NAV3: variants seen among roughly 807,000 people sequenced by gnomAD.
NAV3 encodes pore membrane and/or filament interacting like protein 1.
Under a neutral mutation model 244.7 loss-of-function variants are expected in NAV3, and 87 were observed. The observed-to-expected ratio is 0.36, with a 90% CI of 0.30 to 0.42. The LOEUF (loss-of-function observed/expected upper bound fraction) is 0.42. Among genes scored for constraint, NAV3 ranks in the 20% least tolerant of loss-of-function variants. The pLI, the probability that NAV3 is intolerant of heterozygous loss-of-function variation, is 1.00. For synonymous variants in NAV3, 1,126 were observed against 1,042.2 expected, an observed-to-expected ratio of 1.08 and a Z score of -1.55; for missense variants, 2,663 against 2,893.3, an observed-to-expected ratio of 0.92 and a Z score of 1.83.
chr12:77,885,493 TA>T (rs1477081965), intron 1 of NAV3, among the ~76,000 whole-genome samples: 1 of 152,098 alleles, frequency 6.6e-6, no homozygotes, highest in Non-Finnish European at 1.5e-5. Context: ...AACACCCACA[TA>T]AAAATAAAAG....
At chr12:77,844,503 G>C (rs1355221234) in intron 1 of NAV3, among the ~76,000 whole-genome samples, 1 of 152,182 alleles carries the variant, frequency 6.6e-6, no homozygotes, top group African/African-American at 2.4e-5. Context: ...AACTTTACTT[G>C]CTTCTAGGTG....
At chr12:78,114,541 G>C (rs890978013) in intron 12 of NAV3, among the ~76,000 whole-genome samples, 2 of 152,066 alleles carry the variant, frequency 1.3e-5, no homozygotes, top group African/African-American at 4.8e-5. Flanking sequence ...CAAAACGGGG[G>C]AAAAACCCTT....
chr12:77,870,999 C>T (rs1267139892), intron 1 of NAV3, among the ~76,000 whole-genome samples: 2 of 152,146 alleles, frequency 1.3e-5, no homozygotes, highest in South Asian at 2.1e-4. Flanking sequence ...CACACTCACA[C>T]GCAAGACAGA....
At chr12:77,836,161 A>G (rs1368239693) in intron 1 of NAV3, among the ~76,000 whole-genome samples, 1 of 152,170 alleles carries the variant, frequency 6.6e-6, no homozygotes, top group Non-Finnish European at 1.5e-5. Context: ...CCTTTACTTA[A>G]CATTCTGGAA....
At chr12:77,828,762 A>G (rs780020140), upstream of NAV3, among the ~76,000 whole-genome samples, 1 of 152,180 alleles carries the variant, frequency 6.6e-6, no homozygotes, top group Non-Finnish European at 1.5e-5. Context: ...AGTGAAAGAT[A>G]TTGCCTAATA....
At chr12:78,030,373 T>C (rs931483421) in intron 9 of NAV3, among the ~76,000 whole-genome samples, 1 of 152,194 alleles carries the variant, frequency 6.6e-6, no homozygotes, top group Middle Eastern at 3.2e-3. Context: ...TGCCAGGTCC[T>C]AGCTCAGACT....
chr12:78,028,228 A>G (rs966614509), intron 9 of NAV3, among the ~76,000 whole-genome samples: 2 of 152,212 alleles, frequency 1.3e-5, no homozygotes, highest in African/African-American at 4.8e-5. Context: ...CACGGTGTAC[A>G]CATGCCACTT....
chr12:77,955,085 G>A (rs759069119), intron 3 of NAV3, among the ~76,000 whole-genome samples: 5 of 152,050 alleles, frequency 3.3e-5, no homozygotes, highest in Admixed American at 6.6e-5. Flanking sequence ...TTTGTGCTCT[G>A]GAGCTCCTTC....
intron 8 of NAV3, among the ~76,000 whole-genome samples, chr12:78,009,112 A>C (rs773170010): frequency 2.0e-5 from 3 of 152,170 alleles, no homozygotes; most frequent in Non-Finnish European, 4.4e-5. Context: ...GTTTGCAATA[A>C]AATATCCAGT....
intron 23 of NAV3, among the ~76,000 whole-genome samples, chr12:78,163,440 C>T (rs1380379089): frequency 6.6e-6 from 1 of 151,960 alleles, no homozygotes; most frequent in African/African-American, 2.4e-5. Flanking sequence ...AGTACAATGT[C>T]ATGTGCATTC....
rs140103420 is a variant in NAV3, at chr12:78,193,813, A to G, written c.6292-3434A>G. 5.0e-3 allele frequency among the ~76,000 whole-genome samples: 755 copies of G among 152,218 alleles called. 11 individuals carry two copies. The highest frequency in any genetic ancestry group is 0.018 in the African/African-American group (731 of 41,558). Reference sequence around the variant, plus strand: ...CCCTCTCAAGATGAAAGAAAGCCACATTATAATTAGAACCTAAAGGCTCTG... The same window carrying G: ...CCCTCTCAAGATGAAAGAAAGCCACGTTATAATTAGAACCTAAAGGCTCTG... On this transcript the variant is annotated intron_variant, in intron 34 of 39. Transcript: ENST00000397909.
intron 2 of NAV3, among the ~76,000 whole-genome samples, chr12:77,819,306 T>C (rs1362408923): frequency 6.6e-6 from 1 of 151,826 alleles, no homozygotes; most frequent in Non-Finnish European, 1.5e-5. Context: ...AACATAACTA[T>C]AATATAAGTA....
chr12:77,999,342 A>G (rs1872854133), intron 7 of NAV3, among the ~76,000 whole-genome samples: 1 of 152,242 alleles, frequency 6.6e-6, no homozygotes, highest in Admixed American at 6.5e-5. Flanking sequence ...ACATGGAAAA[A>G]CACATGAAAT....
At chr12:78,198,305 G>A (rs539127728) in intron 35 of NAV3, among the ~76,000 whole-genome samples, 1 of 151,872 alleles carries the variant, frequency 6.6e-6, no homozygotes, top group Admixed American at 6.6e-5. Flanking sequence ...ATGTTAGAGT[G>A]GGACAAAACC....
At chr12:78,189,522 G>A (rs1958877386) in intron 33 of NAV3, among the ~76,000 whole-genome samples, 1 of 150,718 alleles carries the variant, frequency 6.6e-6, no homozygotes, top group Non-Finnish European at 1.5e-5. Context: ...ATAAGGAGAT[G>A]GGGTGAAGAG....
chr12:78,050,251 CT>C, intron 10 of NAV3, 150 bp downstream of exon 10: 1 of 666,634 alleles, frequency 1.5e-6, no homozygotes. Flanking sequence ...GGTAATTATC[CT>C]TAAACTGAGA....
At chr12:77,809,291 C>T (rs573112883) in intron 2 of NAV3, among the ~76,000 whole-genome samples, 7 of 152,286 alleles carry the variant, frequency 4.6e-5, no homozygotes, top group Non-Finnish European at 8.8e-5. Flanking sequence ...AACCCAGGGT[C>T]GTGGTGGTGT....
chr12:78,176,590 T>A, intron 26 of NAV3, 131 bp downstream of exon 26: 1 of 834,296 alleles, frequency 1.2e-6, no homozygotes, highest in Non-Finnish European at 1.9e-6. Flanking sequence ...TTTCTTTGTG[T>A]CTTTTCATTT....
At chr12:77,627,740 C>T (rs1056680517) in intron 2 of NAV3, among the ~76,000 whole-genome samples, 7 of 152,160 alleles carry the variant, frequency 4.6e-5, no homozygotes, top group African/African-American at 1.7e-4. Flanking sequence ...ATGTCTATTG[C>T]AGCACTATTA....
Sources: gnomAD v4.1 joint callset for allele counts (sites outside exome capture counted in the v4.1 genomes callset) on GRCh38, gnomAD v4.1.1 for gene constraint, MANE v1.5 for transcripts, NCBI Gene and HGNC (gene_info 2026-07-23, HGNC 2026-07-21) for gene names.